Variants in ASAH2B observed in about 807,000 individuals in gnomAD.
The protein encoded by ASAH2B is N-acylsphingosine amidohydrolase 2B, also known as putative inactive neutral ceramidase B.
ASAH2B carries 1 observed loss-of-function variant against 2.9 expected under a neutral mutation model. That is an observed-to-expected ratio of 0.34 (90% CI 0.12 to 1.63). The LOEUF is 1.63. ASAH2B is among the 40% of genes most tolerant of loss of function. The probability of loss-of-function intolerance (pLI) is 0.36; values close to 1 mark genes in which losing one functional copy is unlikely to be tolerated. For synonymous variants in ASAH2B, 4 were observed against 13.3 expected (o/e 0.30, Z 1.52); for missense variants, 9 against 37.7 (o/e 0.24, Z 1.99).
rs1251187659 is a variant in ASAH2B, at chr10:50,756,078, G to C, written c.*1338G>C. On this transcript the variant is annotated 3_prime_UTR_variant, in exon 6 of 6. Transcript: ENST00000647317. Reference sequence around the variant, plus strand: ...ACTAATTGCATTTAAAATTCTTTAAGTTAACTACAACCTCCCAGACTGCAA... The same window carrying C: ...ACTAATTGCATTTAAAATTCTTTAACTTAACTACAACCTCCCAGACTGCAA... The C allele has an allele frequency of 8.1e-6, 1 of 123,274 alleles. No homozygotes were observed. Among genetic ancestry groups the C allele is most frequent in the African/African-American group, 2.5e-5 (1 of 39,886 alleles). 7.6% of individuals were successfully genotyped at this position (123,274 alleles called of 1,614,324 possible). A position where few individuals can be genotyped will look rare whatever the true frequency, so the allele number is the denominator to read the frequency against.
At chr10:50,754,152 T>G (rs1282679331) in intron 5 of ASAH2B, among the ~76,000 whole-genome samples, 1 of 149,008 alleles carries the variant, frequency 6.7e-6, no homozygotes, top group Non-Finnish European at 1.5e-5. Flanking sequence ...CATATATATA[T>G]GTATACACAC....
At chr10:50,743,432 C>A (rs1377452648) in intron 2 of ASAH2B, among the ~76,000 whole-genome samples, 1 of 150,772 alleles carries the variant, frequency 6.6e-6, no homozygotes, top group Non-Finnish European at 1.5e-5. Context: ...AGTAGGTCAG[C>A]ATTCTAAGAT....
chr10:50,744,054 G>T (rs937383773), intron 2 of ASAH2B, among the ~76,000 whole-genome samples: 10 of 149,664 alleles, frequency 6.7e-5, no homozygotes, highest in Admixed American at 4.7e-4. Flanking sequence ...CATAATTTTG[G>T]TCTCAGTTTT....
In ASAH2B at chr10:50,757,282, G is replaced by A. The variant is rs1270036837; in HGVS notation, c.*2542G>A. 6.6e-6 allele frequency: 1 copy of A among 151,628 alleles called. No individual in the cohort carries two copies. The highest frequency in any genetic ancestry group is 2.4e-5 in the African/African-American group (1 of 41,360). 9.4% of individuals were successfully genotyped at this position (151,628 alleles called of 1,614,324 possible). A position where few individuals can be genotyped will look rare whatever the true frequency, so the allele number is the denominator to read the frequency against. On this transcript the variant is annotated 3_prime_UTR_variant, in exon 6 of 6. Coordinates refer to ENST00000647317, the MANE Select transcript of ASAH2B (RefSeq NM_001321958.2). The stretch of plus-strand genomic sequence containing the variant: ...GGTAGATTACATGTAAATTAGGTTG[G>A]AAAGTGATACAAATGACTTGTAAAT...
rs1837075017 is a variant in ASAH2B, at chr10:50,755,794, G to C, written c.*1054G>C. The C allele has an allele frequency of 6.6e-6, 1 of 151,136 alleles. No homozygotes were observed. The highest frequency in any genetic ancestry group is 1.5e-5 in the Non-Finnish European group (1 of 67,646). 9.4% of individuals were successfully genotyped at this position (151,136 alleles called of 1,614,324 possible). ...GTGAATTTGTACTTGGGGTGAATGT[G>C]TAAGTGTCAAAAGGTAACTATTATG... On this transcript the variant is annotated 3_prime_UTR_variant, in exon 6 of 6. Transcript: ENST00000647317.
intron 1 of ASAH2B, among the ~76,000 whole-genome samples, chr10:50,740,858 G>A (rs1839819926): frequency 6.6e-6 from 1 of 152,124 alleles, no homozygotes; most frequent in Non-Finnish European, 1.5e-5. Context: ...GGGGTCTCCA[G>A]GCATCATTTA....
At chr10:50,741,249 T>C (rs1839826597) in intron 1 of ASAH2B, among the ~76,000 whole-genome samples, 1 of 152,262 alleles carries the variant, frequency 6.6e-6, no homozygotes, top group African/African-American at 2.4e-5. Context: ...TCCTGTCTCC[T>C]GTCCATATCA....
At chr10:50,746,432 G>C (rs1421931440) in intron 3 of ASAH2B, among the ~76,000 whole-genome samples, 1 of 150,854 alleles carries the variant, frequency 6.6e-6, no homozygotes, top group Non-Finnish European at 1.5e-5. Context: ...TTCATATCTT[G>C]GCTATTGTGA....
At position 50,741,447 on chromosome 10, in the gene ASAH2B, T is replaced by C. The variant is rs141057644; in HGVS notation, c.-100+1464T>C. Among the ~76,000 whole-genome samples the C allele has an allele frequency of 2.5e-3, 379 of 152,280 alleles. 2 individuals are homozygous for C. Among genetic ancestry groups the C allele is most frequent in the African/African-American group, 8.8e-3 (365 of 41,560 alleles). On this transcript the variant is annotated intron_variant, in intron 1 of 5. Transcript: ENST00000647317. Reference sequence around the variant, plus strand: ...AAGAGAACAGATGATTACATTTTCATGAAAGGCATGCACAAGGTGTTATAA... The same window carrying C: ...AAGAGAACAGATGATTACATTTTCACGAAAGGCATGCACAAGGTGTTATAA...
chr10:50,742,270 G>C (rs567877245), intron 1 of ASAH2B, among the ~76,000 whole-genome samples: 1 of 152,164 alleles, frequency 6.6e-6, no homozygotes, highest in African/African-American at 2.4e-5. Flanking sequence ...GAGACTGATA[G>C]GATACAGGAT....
chr10:50,744,488 AT>A (rs1369769435), intron 2 of ASAH2B, among the ~76,000 whole-genome samples: 1 of 151,712 alleles, frequency 6.6e-6, no homozygotes, highest in Non-Finnish European at 1.5e-5. Flanking sequence ...AGAGCATTAA[AT>A]ATTCATTGAA....
chr10:50,742,309 C>T (rs536444392), intron 1 of ASAH2B, among the ~76,000 whole-genome samples: 24 of 152,076 alleles, frequency 1.6e-4, no homozygotes, highest in African/African-American at 1.9e-4. Flanking sequence ...AGGTAACTGC[C>T]GGCTGATCCT....
At chr10:50,743,251 A>G (rs1311235686) in intron 2 of ASAH2B, among the ~76,000 whole-genome samples, 1 of 151,738 alleles carries the variant, frequency 6.6e-6, no homozygotes, top group African/African-American at 2.4e-5. Context: ...TTTCATATGT[A>G]TTTTCTCACT....
chr10:50,751,559 A>G (rs1303518459), intron 4 of ASAH2B, among the ~76,000 whole-genome samples: 1 of 151,458 alleles, frequency 6.6e-6, no homozygotes, highest in Non-Finnish European at 1.5e-5. Context: ...ACAGGTTCCT[A>G]TGGTTATGAA....
chr10:50,756,925 G>A lies in ASAH2B; in HGVS notation c.*2185G>A, dbSNP rs2820787. The A allele has an allele frequency of 3.2e-3, 484 of 151,628 alleles. 1 individual carries two copies. The highest frequency in any genetic ancestry group is 0.01 in the African/African-American group (421 of 41,328). The allele number at this position is 151,628 out of a possible 1,614,324, so 9.4% of individuals were successfully genotyped here. A position where few individuals can be genotyped will look rare whatever the true frequency, so the allele number is the denominator to read the frequency against. On this transcript the variant is annotated 3_prime_UTR_variant, in exon 6 of 6. Coordinates refer to ENST00000647317, the MANE Select transcript of ASAH2B (RefSeq NM_001321958.2). ...GCTCACTGGAGCCAAACCATGTGGC[G>A]GAAACTCCTGAAATTGGTGGAAAAA...
intron 2 of ASAH2B, 70 bp downstream of exon 2, chr10:50,743,080 C>A: frequency 6.5e-7 from 1 of 1,529,106 alleles, no homozygotes; most frequent in Non-Finnish European, 9.1e-7. Flanking sequence ...GTGTCTGTGT[C>A]TGGGTAAGAG....
chr10:50,743,023 T>C lies in ASAH2B; in HGVS notation c.-4+13T>C. On this transcript the variant is annotated intron_variant, in intron 2 of 5. Transcript: ENST00000647317. ...GGCTATTGCTACGGTAATCAAATAT[T>C]GTTTGTGCGTGCGTGCGTGCGTGTG... 1 of 1,611,586 alleles carries C rather than the reference T, an allele frequency of 6.2e-7. No homozygotes were observed. The highest frequency in any genetic ancestry group is 2.3e-5 in the East Asian group (1 of 44,232).
intron 5 of ASAH2B, among the ~76,000 whole-genome samples, chr10:50,754,177 A>G (rs1244312350): frequency 6.6e-6 from 1 of 151,366 alleles, no homozygotes; most frequent in African/African-American, 2.4e-5. Flanking sequence ...ATATATATAT[A>G]TAGAAAACAA....
In ASAH2B at chr10:50,757,440, A is replaced by C. The variant is rs1178788085; in HGVS notation, c.*2700A>C. 4 of 151,446 alleles carry C rather than the reference A, an allele frequency of 2.6e-5. No individual in the cohort carries two copies. The highest frequency in any genetic ancestry group is 9.7e-5 in the African/African-American group (4 of 41,406). 9.4% of individuals were successfully genotyped at this position (151,446 alleles called of 1,614,324 possible). A position where few individuals can be genotyped will look rare whatever the true frequency, so the allele number is the denominator to read the frequency against. ...CTCTTTTTTACTAGTTGGGCAAAAA[A>C]ATTTCCTAGGCAGGTAGCTAACTAT... is the stretch of plus-strand genomic sequence containing the variant. On this transcript the variant is annotated 3_prime_UTR_variant, in exon 6 of 6. Coordinates refer to ENST00000647317, the MANE Select transcript of ASAH2B (RefSeq NM_001321958.2).
Sources: allele counts gnomAD v4.1 joint callset (sites outside exome capture counted in the v4.1 genomes callset), GRCh38; gene constraint gnomAD v4.1.1; transcripts MANE v1.5; gene names NCBI Gene and HGNC (gene_info 2026-07-23, HGNC 2026-07-21).